Variants in LRP1B observed in about 807,000 individuals in gnomAD.
LRP1B encodes LDL receptor related protein 1B, also known as low-density lipoprotein receptor-related protein 1B.
Under a neutral mutation model 556.6 loss-of-function variants are expected in LRP1B, and 217 were observed. That is an observed-to-expected ratio of 0.39 (90% CI 0.35 to 0.44). LRP1B has a LOEUF of 0.44. LRP1B is among the 20% of genes least tolerant of loss of function. LRP1B has a pLI of 1.00. For synonymous variants in LRP1B, 2,047 were observed against 1,865.8 expected (o/e 1.10, Z -2.50); for missense variants, 5,053 against 5,620.8 (o/e 0.90, Z 3.23).
At chr2:141,280,078 G>A (rs1685454110) in intron 3 of LRP1B, among the ~76,000 whole-genome samples, 1 of 152,008 alleles carries the variant, frequency 6.6e-6, no homozygotes, top group Non-Finnish European at 1.5e-5. Flanking sequence ...CATAATTATG[G>A]TCAATTTTAG....
intron 3 of LRP1B, among the ~76,000 whole-genome samples, chr2:141,477,049 G>C (rs951990381): frequency 6.6e-6 from 1 of 151,930 alleles, no homozygotes; most frequent in South Asian, 2.1e-4. Flanking sequence ...CTTGAACCTG[G>C]GAGGCAGAGG....
intron 3 of LRP1B, among the ~76,000 whole-genome samples, chr2:141,393,101 A>G (rs1690114548): frequency 6.6e-6 from 1 of 152,150 alleles, no homozygotes; most frequent in African/African-American, 2.4e-5. Context: ...GCCAAACACT[A>G]GACAAGATTA....
chr2:141,698,376 G>T (rs1691808699), intron 2 of LRP1B, among the ~76,000 whole-genome samples: 1 of 151,602 alleles, frequency 6.6e-6, no homozygotes, highest in Admixed American at 6.6e-5. Flanking sequence ...CCAACAGCAG[G>T]TTGGCCTAAT....
At chr2:142,062,471 G>A (rs906488505) in intron 1 of LRP1B, among the ~76,000 whole-genome samples, 13 of 151,608 alleles carry the variant, frequency 8.6e-5, no homozygotes, top group Non-Finnish European at 2.9e-5. Flanking sequence ...TGATGAATGG[G>A]CTTACTTCAA....
At chr2:141,116,791 A>C (rs563674923) in intron 7 of LRP1B, among the ~76,000 whole-genome samples, 1 of 152,096 alleles carries the variant, frequency 6.6e-6, no homozygotes, top group Non-Finnish European at 1.5e-5. Context: ...ATTTTGTCCA[A>C]CAAAGACTGG....
chr2:141,609,270 A>G (rs866020618), intron 2 of LRP1B, among the ~76,000 whole-genome samples: 48 of 152,334 alleles, frequency 3.2e-4, no homozygotes, highest in African/African-American at 1.1e-3. Context: ...GTGTTTCCAC[A>G]TATTACTCTC....
chr2:140,928,453 T>C (rs913539867), intron 20 of LRP1B, among the ~76,000 whole-genome samples: 1 of 152,102 alleles, frequency 6.6e-6, no homozygotes, highest in Admixed American at 6.6e-5. Flanking sequence ...CCCAAGCTGA[T>C]GAATAAGAGA....
At chr2:140,434,205 G>A (rs1408777471) in intron 66 of LRP1B, among the ~76,000 whole-genome samples, 4 of 152,160 alleles carry the variant, frequency 2.6e-5, no homozygotes, top group African/African-American at 7.2e-5. Flanking sequence ...GAGTAGCTGG[G>A]ATTGCAGGCA....
intron 66 of LRP1B, among the ~76,000 whole-genome samples, chr2:140,410,238 A>G (rs1045591189): frequency 2.6e-5 from 4 of 152,132 alleles, no homozygotes; most frequent in African/African-American, 4.8e-5. Context: ...TCAGCACAGA[A>G]CATGTCCCTT....
At chr2:141,727,606 G>A (rs933642303) in intron 2 of LRP1B, among the ~76,000 whole-genome samples, 4 of 152,078 alleles carry the variant, frequency 2.6e-5, no homozygotes, top group African/African-American at 9.7e-5. Flanking sequence ...TCTGGTCTTA[G>A]TTATCATGTC....
At chr2:140,399,490 A>T (rs1684401674) in intron 66 of LRP1B, among the ~76,000 whole-genome samples, 1 of 152,138 alleles carries the variant, frequency 6.6e-6, no homozygotes, top group African/African-American at 2.4e-5. Context: ...CCTATGCCCC[A>T]AATATATTAG....
chr2:141,887,350 G>T lies in LRP1B; in HGVS notation c.83-76949C>A, dbSNP rs1312180751. Among the ~76,000 whole-genome samples the T allele has an allele frequency of 2.6e-5, 4 of 152,248 alleles. No homozygotes were observed. The South Asian group carries it at 6.2e-4, about 24-fold the overall frequency. ...ATTATATCTCTGGTTGGAATGAACA[G>T]GAATGGCATTCCACGGTCAGACTTA... On this transcript the variant is annotated intron_variant, in intron 1 of 90. Transcript: ENST00000389484.
At position 140,700,585 on chromosome 2, in the gene LRP1B, T is replaced by G. The variant is rs1686598872; in HGVS notation, c.6464A>C (p.Lys2155Thr). Residue 2155 changes from lysine to threonine, a missense_variant, in exon 41 of 91, where the codon AAG becomes ACG. This residue lies in a region of LRP1B where 3,619 missense variants were observed against 3,931.9 expected (regional missense o/e 0.92). Coordinates refer to ENST00000389484, the MANE Select transcript of LRP1B (RefSeq NM_018557.3). ...ATTTCCTCGATAAAGACAGAGTTGC[T>G]TACAGCCACCATTGTCCCTGGCACA... ...NVCARDNGGC[K>T]QLCLYRGNSR... 1.9e-6 allele frequency: 3 copies of G among 1,613,440 alleles called. No individual in the cohort carries two copies. Among genetic ancestry groups the G allele is most frequent in the African/African-American group, 2.7e-5 (2 of 74,864 alleles).
At chr2:140,843,082 TTTGTTTTTTTTTTTTTTG>T (rs1559151619) in intron 29 of LRP1B, among the ~76,000 whole-genome samples, 2 of 18,018 alleles carry the variant, frequency 1.1e-4, no homozygotes, top group Admixed American at 6.4e-4. Context: ...TTTTTTTTTG[TTTGTTTTTTTTTTTTTTG>T]TTTTTTTTTT....
At chr2:141,685,455 A>G (rs1558803385) in intron 2 of LRP1B, among the ~76,000 whole-genome samples, 1 of 152,096 alleles carries the variant, frequency 6.6e-6, no homozygotes, top group African/African-American at 2.4e-5. Flanking sequence ...TGGAGGCCAG[A>G]GGGTGGACCA....
chr2:141,699,916 A>G (rs1196686964), intron 2 of LRP1B, among the ~76,000 whole-genome samples: 1 of 150,028 alleles, frequency 6.7e-6, no homozygotes, highest in East Asian at 2.0e-4. Context: ...TCCAGGGCAC[A>G]TTCCTTTGTC....
Position 140,862,065 on chromosome 2 carries a change from CA to C in LRP1B, c.4579+5524del, listed in dbSNP as rs1173724455. Among the ~76,000 whole-genome samples the C allele has an allele frequency of 3.9e-5, 6 of 152,132 alleles. No individual in the cohort carries two copies. In the South Asian group the frequency reaches 1.0e-3, roughly 26 times the overall value. ...TTATCTACATTTTGCCTTCAATCTA[CA>C]ATTGAATAACTATGAAAGTTCTAGT... On this transcript the variant is annotated intron_variant, in intron 27 of 90. Transcript: ENST00000389484.
intron 1 of LRP1B, among the ~76,000 whole-genome samples, chr2:141,936,513 G>A (rs891177277): frequency 2.0e-5 from 3 of 152,140 alleles, no homozygotes; most frequent in Non-Finnish European, 2.9e-5. Flanking sequence ...AGAGGCCGCC[G>A]AATAAACCAA....
chr2:142,057,101 T>C (rs558338834), intron 1 of LRP1B, among the ~76,000 whole-genome samples: 106 of 152,176 alleles, frequency 7.0e-4, no homozygotes, highest in Non-Finnish European at 1.4e-3. Flanking sequence ...GGAGTATATT[T>C]ACCATAAATA....
Sources: gnomAD v4.1 joint callset for allele counts (sites outside exome capture counted in the v4.1 genomes callset) on GRCh38, gnomAD v4.1.1 for gene constraint, gnomAD v4.1.1 regional missense constraint, MANE v1.5 for transcripts, NCBI Gene and HGNC (gene_info 2026-07-23, HGNC 2026-07-21) for gene names.